ST6GALNAC3: variants seen among roughly 807,000 people sequenced by gnomAD.
ST6GALNAC3 encodes ST6 N-acetylgalactosaminide alpha-2,6-sialyltransferase 3.
A neutral mutation model predicts 32.7 loss-of-function variants in ST6GALNAC3; 25 were observed. The observed-to-expected ratio is 0.76, with a 90% CI of 0.56 to 1.07. ST6GALNAC3 has a LOEUF of 1.07. Among genes scored for constraint, ST6GALNAC3 ranks in the 50% least tolerant of loss-of-function variants. The pLI is 0.00. For synonymous variants in ST6GALNAC3, 129 were observed against 133.1 expected, an observed-to-expected ratio of 0.97 and a Z score of 0.21; for missense variants, 355 against 382.4, an observed-to-expected ratio of 0.93 and a Z score of 0.60.
chr1:76,241,316 G>C (rs1160995380), intron 1 of ST6GALNAC3, among the ~76,000 whole-genome samples: 1 of 152,146 alleles, frequency 6.6e-6, no homozygotes, highest in Non-Finnish European at 1.5e-5. Flanking sequence ...TCAAGGTTGG[G>C]CATCTGATGA....
chr1:76,437,121 T>C (rs1183386623), intron 3 of ST6GALNAC3, among the ~76,000 whole-genome samples: 1 of 152,170 alleles, frequency 6.6e-6, no homozygotes, highest in Admixed American at 6.5e-5. Context: ...ATCAACTGAA[T>C]GTACAATATT....
intron 1 of ST6GALNAC3, among the ~76,000 whole-genome samples, chr1:76,265,272 G>T (rs1024734578): frequency 6.6e-6 from 1 of 152,100 alleles, no homozygotes; most frequent in Non-Finnish European, 1.5e-5. Flanking sequence ...CAGCTATCCA[G>T]GTCATCTGTA....
At chr1:76,147,630 C>G (rs892598147) in intron 1 of ST6GALNAC3, among the ~76,000 whole-genome samples, 2 of 152,162 alleles carry the variant, frequency 1.3e-5, no homozygotes, top group African/African-American at 4.8e-5. Flanking sequence ...TCAACTAGAA[C>G]GTAAGCTCCA....
intron 1 of ST6GALNAC3, among the ~76,000 whole-genome samples, chr1:76,300,835 C>T (rs1166290892): frequency 2.6e-5 from 4 of 151,868 alleles, no homozygotes; most frequent in African/African-American, 9.7e-5. Flanking sequence ...ACAAAGCGCT[C>T]TGAATCTTCT....
At chr1:76,219,755 CTG>C (rs1655664669) in intron 1 of ST6GALNAC3, among the ~76,000 whole-genome samples, 1 of 152,302 alleles carries the variant, frequency 6.6e-6, no homozygotes, top group East Asian at 1.9e-4. Flanking sequence ...CATTTTCTGT[CTG>C]TAACTAAATC....
At chr1:76,475,920 A>G (rs1659325322) in intron 3 of ST6GALNAC3, among the ~76,000 whole-genome samples, 2 of 151,358 alleles carry the variant, frequency 1.3e-5, no homozygotes. Context: ...TCATTGTTCA[A>G]CTCCCACTTA....
chr1:76,464,598 A>C (rs1050734615), intron 3 of ST6GALNAC3, among the ~76,000 whole-genome samples: 28 of 152,216 alleles, frequency 1.8e-4, no homozygotes, highest in African/African-American at 6.8e-4. Flanking sequence ...TCAGAAAAGA[A>C]TTAAAAAGGA....
intron 1 of ST6GALNAC3, among the ~76,000 whole-genome samples, chr1:76,105,826 T>A (rs1647487553): frequency 6.6e-6 from 1 of 152,234 alleles, no homozygotes; most frequent in African/African-American, 2.4e-5. Flanking sequence ...GCTATTACAT[T>A]TAAAAAAATA....
intron 3 of ST6GALNAC3, among the ~76,000 whole-genome samples, chr1:76,457,120 A>C (rs1191096183): frequency 6.6e-6 from 1 of 152,098 alleles, no homozygotes; most frequent in Non-Finnish European, 1.5e-5. Context: ...CAAAGAGAAT[A>C]AAATACCTAG....
chr1:76,184,519 G>GTA (rs1553163157), intron 1 of ST6GALNAC3, among the ~76,000 whole-genome samples: 1 of 134,104 alleles, frequency 7.5e-6, no homozygotes, highest in African/African-American at 2.9e-5. Flanking sequence ...CTCCTGGGCA[G>GTA]CACACACACA....
intron 2 of ST6GALNAC3, among the ~76,000 whole-genome samples, chr1:76,326,500 TA>T (rs1236079191): frequency 6.6e-6 from 1 of 152,202 alleles, no homozygotes; most frequent in Admixed American, 6.5e-5. Flanking sequence ...GGAATTGCAT[TA>T]AATGTTAACT....
intron 3 of ST6GALNAC3, among the ~76,000 whole-genome samples, chr1:76,610,619 C>A (rs1230522155): frequency 6.6e-6 from 1 of 152,056 alleles, no homozygotes; most frequent in Non-Finnish European, 1.5e-5. Flanking sequence ...GAAAGAGTAT[C>A]GATCCTGTTT....
At chr1:76,095,994 C>T (rs1244919790) in intron 1 of ST6GALNAC3, among the ~76,000 whole-genome samples, 1 of 152,182 alleles carries the variant, frequency 6.6e-6, no homozygotes, top group African/African-American at 2.4e-5. Flanking sequence ...CATTCCCTCA[C>T]CTGTGGGGAT....
chr1:76,214,574 C>T (rs1261076479), intron 1 of ST6GALNAC3, among the ~76,000 whole-genome samples: 1 of 152,102 alleles, frequency 6.6e-6, no homozygotes, highest in Non-Finnish European at 1.5e-5. Context: ...AATTAAGTTA[C>T]TACACATTTA....
At chr1:76,104,619 T>C (rs1483598697) in intron 1 of ST6GALNAC3, among the ~76,000 whole-genome samples, 1 of 151,924 alleles carries the variant, frequency 6.6e-6, no homozygotes, top group Non-Finnish European at 1.5e-5. Context: ...GCTTTTTTTT[T>C]TTTTTTTAGA....
intron 1 of ST6GALNAC3, among the ~76,000 whole-genome samples, chr1:76,114,269 T>C (rs1571185398): frequency 6.6e-6 from 1 of 152,184 alleles, no homozygotes; most frequent in East Asian, 1.9e-4. Flanking sequence ...ATATTAACTA[T>C]AGTAAGGAGT....
chr1:76,218,509 C>A (rs1259638197), intron 1 of ST6GALNAC3, among the ~76,000 whole-genome samples: 1 of 152,066 alleles, frequency 6.6e-6, no homozygotes, highest in African/African-American at 2.4e-5. Context: ...AAATACCTGA[C>A]CTAAAGAAAC....
intron 3 of ST6GALNAC3, among the ~76,000 whole-genome samples, chr1:76,490,592 T>G (rs1018511914): frequency 1.3e-5 from 2 of 151,626 alleles, no homozygotes; most frequent in African/African-American, 4.8e-5. Flanking sequence ...CCTCTCCCTT[T>G]AAAATATATT....
chr1:76,196,950 AT>A lies in ST6GALNAC3; in HGVS notation c.19-116850del, dbSNP rs373056466. Among the ~76,000 whole-genome samples the A allele has an allele frequency of 3.2e-3, 486 of 152,182 alleles. 2 individuals carry two copies. Among genetic ancestry groups the A allele is most frequent in the African/African-American group, 0.011 (473 of 41,526 alleles). Reference sequence around the variant, plus strand: ...GAACTGAAGTTTACCCCGTGTTTTTATTTTTATCTGAACAATAAGCTGGGAC... The same window carrying A: ...GAACTGAAGTTTACCCCGTGTTTTTATTTTATCTGAACAATAAGCTGGGAC... On this transcript the variant is annotated intron_variant, in intron 1 of 4. Coordinates refer to ENST00000328299, the MANE Select transcript of ST6GALNAC3 (RefSeq NM_152996.4).
Sources: allele counts gnomAD v4.1 joint callset (sites outside exome capture counted in the v4.1 genomes callset), GRCh38; gene constraint gnomAD v4.1.1; transcripts MANE v1.5; gene names NCBI Gene and HGNC (gene_info 2026-07-23, HGNC 2026-07-21).